Variants in LRRC1 observed in about 807,000 individuals in gnomAD.
LRRC1 encodes the protein leucine rich repeat containing 1.
In LRRC1, 28 loss-of-function variants were observed where a neutral mutation model predicts 69.9. That is an observed-to-expected ratio of 0.40 (90% CI 0.30 to 0.55). LRRC1 has a LOEUF of 0.55. Ranked by LOEUF, LRRC1 falls within the 20% of genes least tolerant of loss-of-function variation. LRRC1 has a pLI of 0.47. For synonymous variants in LRRC1, 236 were observed against 240.2 expected, an observed-to-expected ratio of 0.98 and a Z score of 0.16; for missense variants, 498 against 609.0, an observed-to-expected ratio of 0.82 and a Z score of 1.92.
chr6:53,874,826 C>A (rs1767013143), intron 2 of LRRC1, among the ~76,000 whole-genome samples: 1 of 152,208 alleles, frequency 6.6e-6, no homozygotes, highest in South Asian at 2.1e-4. Flanking sequence ...GCAGACTAAC[C>A]TTTTAAAGGC....
intron 2 of LRRC1, among the ~76,000 whole-genome samples, chr6:53,845,455 A>G (rs1765913420): frequency 6.6e-6 from 1 of 152,314 alleles, no homozygotes; most frequent in African/African-American, 2.4e-5. Context: ...GTACAGGTGC[A>G]GGCATTTGTG....
chr6:53,798,838 A>G (rs912367786), intron 1 of LRRC1, among the ~76,000 whole-genome samples: 14 of 152,232 alleles, frequency 9.2e-5, no homozygotes, highest in African/African-American at 2.9e-4. Flanking sequence ...TCCAGCATCT[A>G]TCCTTTTCTA....
chr6:53,798,975 A>T (rs957811967), intron 1 of LRRC1, among the ~76,000 whole-genome samples: 1 of 152,186 alleles, frequency 6.6e-6, no homozygotes, highest in Non-Finnish European at 1.5e-5. Context: ...AGCCTTTCAC[A>T]TGCCATTGGT....
chr6:53,799,696 A>G (rs1764410203), intron 1 of LRRC1, among the ~76,000 whole-genome samples: 2 of 152,246 alleles, frequency 1.3e-5, no homozygotes, highest in South Asian at 4.1e-4. Context: ...GGGAATATCC[A>G]TCTCCACTTG....
intron 2 of LRRC1, among the ~76,000 whole-genome samples, chr6:53,878,610 G>A (rs568904950): frequency 6.6e-6 from 1 of 152,172 alleles, no homozygotes; most frequent in South Asian, 2.1e-4. Flanking sequence ...TGCAAGTGAT[G>A]GGGAGTGGCT....
At chr6:53,901,109 A>G (rs1490581487) in intron 8 of LRRC1, among the ~76,000 whole-genome samples, 1 of 152,214 alleles carries the variant, frequency 6.6e-6, no homozygotes. Flanking sequence ...AAAGGGTTGT[A>G]GAGACTGGGC....
intron 10 of LRRC1, among the ~76,000 whole-genome samples, chr6:53,909,635 A>G (rs549332721): frequency 2.0e-5 from 3 of 152,042 alleles, no homozygotes; most frequent in South Asian, 2.1e-4. Context: ...TTCCGTAGCT[A>G]TTAGTGGATA....
At chr6:53,826,766 ACTGTATAT>A (rs1266991323) in intron 1 of LRRC1, among the ~76,000 whole-genome samples, 1 of 152,102 alleles carries the variant, frequency 6.6e-6, no homozygotes, top group Non-Finnish European at 1.5e-5. Context: ...CCACTGATGT[ACTGTATAT>A]CTGTATATAT....
rs188937627 is a variant in LRRC1 at position 53,834,354 on chromosome 6, G to A, written c.160-7756G>A. On this transcript the variant is annotated intron_variant, in intron 1 of 13. Transcript: ENST00000370888. ...TTTCATTAGCATGCTCTTTTCTTCCGCTCGCAACTTGTCAATCAAGATGGA... is the reference window on the plus strand; with the variant it reads ...TTTCATTAGCATGCTCTTTTCTTCCACTCGCAACTTGTCAATCAAGATGGA... 1.5e-3 allele frequency among the ~76,000 whole-genome samples: 224 copies of A among 152,164 alleles called. 2 individuals are homozygous for A. Among genetic ancestry groups the A allele is most frequent in the Admixed American group, 0.013 (194 of 15,280 alleles).
At chr6:53,865,561 A>G (rs1020286006) in intron 2 of LRRC1, among the ~76,000 whole-genome samples, 3 of 151,860 alleles carry the variant, frequency 2.0e-5, no homozygotes, top group Admixed American at 6.6e-5. Context: ...TGAGGGTACT[A>G]TTTGTTTATG....
intron 1 of LRRC1, among the ~76,000 whole-genome samples, chr6:53,826,833 T>A (rs1252384531): frequency 1.3e-5 from 2 of 152,134 alleles, no homozygotes; most frequent in Non-Finnish European, 2.9e-5. Flanking sequence ...CTGAGACTTT[T>A]TTTTTTTTAA....
chr6:53,829,401 A>G (rs1765367774), intron 1 of LRRC1, among the ~76,000 whole-genome samples: 1 of 152,164 alleles, frequency 6.6e-6, no homozygotes, highest in African/African-American at 2.4e-5. Flanking sequence ...TAGTGTTGTA[A>G]AGTTTTTGAA....
intron 1 of LRRC1, among the ~76,000 whole-genome samples, chr6:53,824,734 A>T (rs1170174885): frequency 6.6e-6 from 1 of 152,184 alleles, no homozygotes; most frequent in Non-Finnish European, 1.5e-5. Context: ...GTTATCTAAG[A>T]ACCTTGGTAA....
At chr6:53,884,821 A>AT (rs1399460669) in intron 4 of LRRC1, among the ~76,000 whole-genome samples, 1 of 152,108 alleles carries the variant, frequency 6.6e-6, no homozygotes, top group South Asian at 2.1e-4. Context: ...TTTAGAATAC[A>AT]TTTTTTATAA....
intron 4 of LRRC1, among the ~76,000 whole-genome samples, chr6:53,886,853 G>A (rs1435814082): frequency 2.0e-5 from 3 of 152,196 alleles, no homozygotes. Flanking sequence ...TTACACAGAA[G>A]TGTAGTTGTT....
chr6:53,903,161 G>A (rs548672539), intron 9 of LRRC1, among the ~76,000 whole-genome samples: 7 of 152,286 alleles, frequency 4.6e-5, no homozygotes, highest in Middle Eastern at 3.4e-3. Flanking sequence ...CGAGATGGAC[G>A]TTGGCCAGGA....
rs1764661118 is a variant in LRRC1, at chr6:53,807,311, T to C, written c.159+11896T>C. Among the ~76,000 whole-genome samples the C allele has an allele frequency of 2.6e-5, 4 of 152,326 alleles. 1 individual carries two copies. The South Asian group carries it at 8.3e-4, about 32-fold the overall frequency. Reference sequence around the variant, plus strand: ...CTCATTCACTCCACATGCTTATTGTTGAGTGCTGGCTGTGCTTCAGGCATC... The same window carrying C: ...CTCATTCACTCCACATGCTTATTGTCGAGTGCTGGCTGTGCTTCAGGCATC... On this transcript the variant is annotated intron_variant, in intron 1 of 13. Transcript: ENST00000370888.
At chr6:53,828,804 A>G (rs1489706764) in intron 1 of LRRC1, among the ~76,000 whole-genome samples, 1 of 152,114 alleles carries the variant, frequency 6.6e-6, no homozygotes, top group Non-Finnish European at 1.5e-5. Flanking sequence ...TCTGTTTTTG[A>G]AAATGAAAGA....
intron 2 of LRRC1, among the ~76,000 whole-genome samples, chr6:53,866,450 G>T (rs1204531106): frequency 1.3e-5 from 2 of 152,156 alleles, no homozygotes; most frequent in African/African-American, 2.4e-5. Context: ...ACACTGTGGC[G>T]ATGGTGGGGC....
Sources: gnomAD v4.1 joint callset for allele counts (sites outside exome capture counted in the v4.1 genomes callset) on GRCh38, gnomAD v4.1.1 for gene constraint, MANE v1.5 for transcripts, NCBI Gene and HGNC (gene_info 2026-07-23, HGNC 2026-07-21) for gene names.